Variants in ACSM3 observed in about 807,000 individuals in gnomAD.
ACSM3 encodes the protein acyl-CoA synthetase medium chain family member 3.
ACSM3 carries 61 observed loss-of-function variants against 74.1 expected under a neutral mutation model. The observed-to-expected ratio is 0.82, with a 90% CI of 0.67 to 1.02. The LOEUF is 1.02. Among genes scored for constraint, ACSM3 ranks in the 50% least tolerant of loss-of-function variants. ACSM3 has a pLI of 0.00. For missense variants in ACSM3, 660 were observed against 697.0 expected (o/e 0.95, Z 0.60); for synonymous variants, 213 against 241.5 (o/e 0.88, Z 1.09).
intron 4 of ACSM3, among the ~76,000 whole-genome samples, chr16:20,779,425 C>CAAA (rs3050137): frequency 7.6e-6 from 1 of 131,986 alleles, no homozygotes; most frequent in Non-Finnish European, 1.6e-5. Context: ...AACCCTGTCT[C>CAAA]AAAAAAAAAA....
chr16:20,683,790 G>A (rs909669127), intron 1 of ACSM3, among the ~76,000 whole-genome samples: 3 of 148,158 alleles, frequency 2.0e-5, no homozygotes, highest in African/African-American at 5.0e-5. Flanking sequence ...GGATGGTCTC[G>A]ATCTCCTGAC....
intron 1 of ACSM3, chr16:20,679,878 G>C (rs911144116): frequency 6.6e-6 from 1 of 152,108 alleles, no homozygotes; most frequent in African/African-American, 2.4e-5. Context: ...GAGAGTTATA[G>C]CTCGAACAAA....
At chr16:20,682,362 C>T (rs1852759594) in intron 1 of ACSM3, 1 of 1,614,056 alleles carries the variant, frequency 6.2e-7, no homozygotes, top group Non-Finnish European at 8.5e-7. Flanking sequence ...ACCTCTGAGG[C>T]AAGGGCATCT....
rs377118725 is a variant in ACSM3, at chr16:20,789,522, T to G, written c.1225-1065T>G. ...ATTCCCCTTTTCCTGTTTACTCATATTGGGCTTCTGAAGTAAGGTTCTGTA... is the reference window on the plus strand; with the variant it reads ...ATTCCCCTTTTCCTGTTTACTCATAGTGGGCTTCTGAAGTAAGGTTCTGTA... On this transcript the variant is annotated intron_variant, in intron 9 of 13. Coordinates refer to ENST00000289416, the MANE Select transcript of ACSM3 (RefSeq NM_005622.4). 9.9e-6 allele frequency: 16 copies of G among 1,613,794 alleles called. No homozygotes were observed. In the African/African-American group the frequency reaches 2.0e-4, roughly 20 times the overall value.
At chr16:20,737,019 T>A in intron 1 of ACSM3, 1 of 1,614,214 alleles carries the variant, frequency 6.2e-7, no homozygotes, top group African/African-American at 1.3e-5. Flanking sequence ...CTCTGGTACC[T>A]GCTGGTTATT....
chr16:20,794,878 T>C (rs2080687272), intron 12 of ACSM3, among the ~76,000 whole-genome samples: 1 of 152,242 alleles, frequency 6.6e-6, no homozygotes, highest in Non-Finnish European at 1.5e-5. Flanking sequence ...TGTTAGGTTG[T>C]TCCTTGTTAA....
chr16:20,768,498 CA>C (rs1392219960), intron 1 of ACSM3, among the ~76,000 whole-genome samples: 2 of 152,278 alleles, frequency 1.3e-5, no homozygotes, highest in East Asian at 3.9e-4. Flanking sequence ...TGGTGGTTCA[CA>C]AATCACAGCC....
chr16:20,720,574 A>G (rs1020880012), intron 1 of ACSM3, among the ~76,000 whole-genome samples: 2 of 152,334 alleles, frequency 1.3e-5, no homozygotes, highest in Non-Finnish European at 1.5e-5. Flanking sequence ...GGCCATGGAC[A>G]GGAACCGGTC....
intron 1 of ACSM3, among the ~76,000 whole-genome samples, chr16:20,739,448 G>A (rs1341699603): frequency 6.6e-6 from 1 of 152,096 alleles, no homozygotes; most frequent in Admixed American, 6.5e-5. Flanking sequence ...TGGGATTACA[G>A]GTGTGAGCTA....
intron 12 of ACSM3, 99 bp from the exon 13 acceptor site, chr16:20,796,271 C>T (rs1284430030): frequency 1.3e-6 from 2 of 1,516,544 alleles, no homozygotes; most frequent in African/African-American, 1.4e-5. Context: ...CACTGGCCCA[C>T]CCCACCAGGC....
chr16:20,776,844 C>G (rs2080262084), intron 3 of ACSM3, among the ~76,000 whole-genome samples: 1 of 152,138 alleles, frequency 6.6e-6, no homozygotes. Flanking sequence ...TGAATGCCTC[C>G]ACACTTCCTT....
At chr16:20,744,115 A>T (rs2079948307) in intron 1 of ACSM3, among the ~76,000 whole-genome samples, 1 of 152,166 alleles carries the variant, frequency 6.6e-6, no homozygotes, top group South Asian at 2.1e-4. Context: ...AACTTTCTTA[A>T]AACACTCTGA....
intron 1 of ACSM3, among the ~76,000 whole-genome samples, chr16:20,695,427 A>C (rs1024544154): frequency 6.6e-6 from 1 of 152,236 alleles, no homozygotes; most frequent in Admixed American, 6.5e-5. Flanking sequence ...CTTATAGAGT[A>C]GTTAAGCCAG....
intron 1 of ACSM3, among the ~76,000 whole-genome samples, chr16:20,732,524 T>G (rs1398079124): frequency 6.6e-6 from 1 of 152,146 alleles, no homozygotes; most frequent in Non-Finnish European, 1.5e-5. Context: ...GCCTAAAAAA[T>G]CTTCTCCAAT....
intron 1 of ACSM3, among the ~76,000 whole-genome samples, chr16:20,724,069 G>A (rs535717233): frequency 1.3e-5 from 2 of 152,238 alleles, no homozygotes; most frequent in Non-Finnish European, 2.9e-5. Flanking sequence ...AAGGTGTAAG[G>A]AAGGGATCCA....
At chr16:20,741,666 G>C in intron 1 of ACSM3, 1 of 1,584,080 alleles carries the variant, frequency 6.3e-7, no homozygotes, top group Non-Finnish European at 8.6e-7. Flanking sequence ...AGCGCGCTTG[G>C]CCAGCACATA....
intron 1 of ACSM3, chr16:20,737,203 C>G: frequency 1.2e-6 from 2 of 1,614,206 alleles, no homozygotes; most frequent in East Asian, 2.2e-5. Context: ...AGGCAACAGA[C>G]AGCTTTGATG....
chr16:20,748,445 T>A (rs867390905), intron 1 of ACSM3, among the ~76,000 whole-genome samples: 2 of 152,172 alleles, frequency 1.3e-5, no homozygotes, highest in Non-Finnish European at 1.5e-5. Context: ...CTTGGGGAAG[T>A]TAATTGTTCT....
At chr16:20,741,729 G>A in intron 1 of ACSM3, 3 of 1,572,184 alleles carry the variant, frequency 1.9e-6, no homozygotes, top group Non-Finnish European at 2.6e-6. Flanking sequence ...CTGCTGGGCA[G>A]GGGCCGCCAT....
Sources: gnomAD v4.1 joint callset for allele counts (sites outside exome capture counted in the v4.1 genomes callset) on GRCh38, gnomAD v4.1.1 for gene constraint, MANE v1.5 for transcripts, NCBI Gene and HGNC (gene_info 2026-07-23, HGNC 2026-07-21) for gene names.